The following AUTS2 variants were observed in gnomAD, a reference collection of about 807,000 sequenced individuals.
The protein encoded by AUTS2 is autism susceptibility gene 2 protein.
A neutral mutation model predicts 112.4 loss-of-function variants in AUTS2; 17 were observed. The ratio of observed to expected loss-of-function variants is 0.15; its 90% CI spans 0.10 to 0.23. The LOEUF is 0.23. Ranked by LOEUF, AUTS2 falls within the 10% of genes least tolerant of loss-of-function variation. The probability of loss-of-function intolerance (pLI) is 1.00; values close to 1 mark genes in which losing one functional copy is unlikely to be tolerated. For missense variants in AUTS2, 1,510 were observed against 1,701.6 expected (o/e 0.89, Z 1.98); for synonymous variants, 751 against 702.7 (o/e 1.07, Z -1.09).
intron 1 of AUTS2, among the ~76,000 whole-genome samples, chr7:69,833,975 G>C (rs1430691106): frequency 2.6e-5 from 4 of 152,224 alleles, no homozygotes; most frequent in Non-Finnish European, 5.9e-5. Context: ...TGGGCACCAA[G>C]TAATATACAA....
At chr7:70,004,336 A>ATATATAC (rs1491350506) in intron 2 of AUTS2, among the ~76,000 whole-genome samples, 206 of 131,970 alleles carry the variant, frequency 1.6e-3, no homozygotes, top group Middle Eastern at 8.7e-3. Context: ...TATATATATG[A>ATATATAC]ATATATATTC....
In AUTS2 at chr7:70,134,606, CA is replaced by C. The variant is rs763835508; in HGVS notation, c.660+36del. The C allele has an allele frequency of 1.7e-5, 28 of 1,602,164 alleles. No homozygotes were observed. The Admixed American group carries it at 3.8e-4, about 22-fold the overall frequency. On this transcript the variant is annotated intron_variant, in intron 4 of 18. Coordinates refer to ENST00000342771, the MANE Select transcript of AUTS2 (RefSeq NM_015570.4). ...TCTCAACTTCCACATATGTGCCTTG[CA>C]TTGGCATTGATTTCCTTCTATAATG...
chr7:70,503,023 G>A (rs1585226061), intron 5 of AUTS2, among the ~76,000 whole-genome samples: 1 of 152,166 alleles, frequency 6.6e-6, no homozygotes, highest in East Asian at 1.9e-4. Flanking sequence ...CTGAAAAACA[G>A]TCCCACACAG....
chr7:70,383,233 T>C (rs1793453268), intron 4 of AUTS2, among the ~76,000 whole-genome samples: 1 of 152,172 alleles, frequency 6.6e-6, no homozygotes. Flanking sequence ...GCCCATGTGC[T>C]TAGCACAGTC....
chr7:70,484,712 A>G (rs993311349), intron 5 of AUTS2, among the ~76,000 whole-genome samples: 5 of 152,210 alleles, frequency 3.3e-5, no homozygotes, highest in African/African-American at 1.2e-4. Flanking sequence ...TTTAGGATCA[A>G]CCTTAGGCAT....
chr7:69,699,012 A>G (rs1797681746), intron 1 of AUTS2, among the ~76,000 whole-genome samples: 1 of 152,120 alleles, frequency 6.6e-6, no homozygotes, highest in African/African-American at 2.4e-5. Context: ...CTTTTGGTTC[A>G]TATTAAATTG....
chr7:70,502,158 A>G (rs766683856), intron 5 of AUTS2, among the ~76,000 whole-genome samples: 7 of 152,180 alleles, frequency 4.6e-5, no homozygotes, highest in Non-Finnish European at 7.4e-5. Flanking sequence ...CAGCAGTGTG[A>G]CAGGTTTGAC....
At chr7:69,689,436 C>T (rs1207139364) in intron 1 of AUTS2, among the ~76,000 whole-genome samples, 1 of 143,054 alleles carries the variant, frequency 7.0e-6, no homozygotes, top group Non-Finnish European at 1.5e-5. Context: ...ATGCAACTTC[C>T]ACCTCCTGGG....
intron 2 of AUTS2, among the ~76,000 whole-genome samples, chr7:69,905,199 A>G (rs1184942585): frequency 6.6e-6 from 1 of 152,240 alleles, no homozygotes; most frequent in Non-Finnish European, 1.5e-5. Flanking sequence ...TCAGTGAGAT[A>G]CATCTTTGGA....
At chr7:70,162,933 C>A (rs555053207) in intron 4 of AUTS2, among the ~76,000 whole-genome samples, 1 of 152,214 alleles carries the variant, frequency 6.6e-6, no homozygotes, top group African/African-American at 2.4e-5. Flanking sequence ...TTTCATGATA[C>A]TGAATTGAAC....
intron 2 of AUTS2, among the ~76,000 whole-genome samples, chr7:70,036,965 G>T (rs1004675491): frequency 4.6e-5 from 7 of 152,122 alleles, no homozygotes; most frequent in African/African-American, 1.7e-4. Context: ...ATGTACCTTT[G>T]GAAGGTCATT....
chr7:70,367,573 T>TAAA (rs1489212440), intron 4 of AUTS2, among the ~76,000 whole-genome samples: 11 of 144,764 alleles, frequency 7.6e-5, no homozygotes, highest in Non-Finnish European at 1.7e-4. Context: ...AAAAAAATTG[T>TAAA]AAAAAATAAT....
At chr7:70,062,951 A>G (rs1488838024) in intron 2 of AUTS2, among the ~76,000 whole-genome samples, 1 of 152,088 alleles carries the variant, frequency 6.6e-6, no homozygotes, top group African/African-American at 2.4e-5. Context: ...TGTTAAAGAG[A>G]TCTATGATTC....
chr7:70,703,962 AC>A (rs1436555575), intron 6 of AUTS2, among the ~76,000 whole-genome samples: 2 of 152,214 alleles, frequency 1.3e-5, no homozygotes, highest in African/African-American at 4.8e-5. Flanking sequence ...CCTACTCCAT[AC>A]TGCAAATAGC....
At chr7:70,494,628 G>T in intron 5 of AUTS2, among the ~76,000 whole-genome samples, 1 of 147,664 alleles carries the variant, frequency 6.8e-6, no homozygotes, top group Non-Finnish European at 1.5e-5. Context: ...ATTTTCCCTT[G>T]CTCTGCAGCC....
chr7:70,183,914 A>G (rs1470730246), intron 4 of AUTS2, among the ~76,000 whole-genome samples: 1 of 148,110 alleles, frequency 6.8e-6, no homozygotes, highest in Admixed American at 6.8e-5. Context: ...ATTTAGTTGC[A>G]CCATTTTATT....
intron 14 of AUTS2, among the ~76,000 whole-genome samples, chr7:70,780,445 C>T (rs1183415162): frequency 1.3e-5 from 2 of 150,798 alleles, no homozygotes; most frequent in Non-Finnish European, 2.9e-5. Context: ...GAGACAGCCT[C>T]GGTCACAGCA....
At chr7:70,180,615 T>G (rs1314129379) in intron 4 of AUTS2, among the ~76,000 whole-genome samples, 3 of 152,170 alleles carry the variant, frequency 2.0e-5, no homozygotes, top group Non-Finnish European at 4.4e-5. Flanking sequence ...GGTCCCTCCC[T>G]CCTCATCTCT....
intron 4 of AUTS2, among the ~76,000 whole-genome samples, chr7:70,229,766 C>T (rs1014374393): frequency 2.3e-5 from 3 of 128,900 alleles, no homozygotes; most frequent in African/African-American, 9.6e-5. Flanking sequence ...TTTTTTCCCC[C>T]TGTTCTTCAG....
Sources: allele counts gnomAD v4.1 joint callset (sites outside exome capture counted in the v4.1 genomes callset), GRCh38; gene constraint gnomAD v4.1.1; transcripts MANE v1.5; gene names NCBI Gene and HGNC (gene_info 2026-07-23, HGNC 2026-07-21).